CADM1: variants seen among roughly 807,000 people sequenced by gnomAD.
The protein encoded by CADM1 is cell adhesion molecule 1.
Under a neutral mutation model 53.1 loss-of-function variants are expected in CADM1, and 15 were observed. The ratio of observed to expected loss-of-function variants is 0.28; its 90% CI spans 0.19 to 0.44. The LOEUF is 0.44. CADM1 is among the 20% of genes least tolerant of loss of function. The pLI is 1.00. For synonymous variants in CADM1, 281 were observed against 243.0 expected, an observed-to-expected ratio of 1.16 and a Z score of -1.45; for missense variants, 434 against 611.3, an observed-to-expected ratio of 0.71 and a Z score of 3.06.
chr11:115,357,709 G>T (rs1945913847), intron 1 of CADM1, among the ~76,000 whole-genome samples: 1 of 152,156 alleles, frequency 6.6e-6, no homozygotes, highest in Non-Finnish European at 1.5e-5. Flanking sequence ...CATATGGCAA[G>T]TGCTCAGTCA....
At chr11:115,261,628 T>C (rs959565719) in intron 1 of CADM1, among the ~76,000 whole-genome samples, 3 of 152,226 alleles carry the variant, frequency 2.0e-5, no homozygotes, top group African/African-American at 2.4e-5. Context: ...GAGAAGTCAT[T>C]TCACTGTCTC....
intron 1 of CADM1, among the ~76,000 whole-genome samples, chr11:115,352,878 A>G (rs572406901): frequency 6.6e-6 from 1 of 152,310 alleles, no homozygotes; most frequent in Admixed American, 6.5e-5. Flanking sequence ...ACAGCTCCAT[A>G]GTATTCCACG....
chr11:115,369,803 G>A (rs1378694657), intron 1 of CADM1, among the ~76,000 whole-genome samples: 1 of 152,134 alleles, frequency 6.6e-6, no homozygotes, highest in Non-Finnish European at 1.5e-5. Context: ...GTCTGATCAG[G>A]CTTCTGACTC....
intron 1 of CADM1, among the ~76,000 whole-genome samples, chr11:115,279,925 G>A (rs1470978088): frequency 6.6e-6 from 1 of 152,188 alleles, no homozygotes; most frequent in East Asian, 1.9e-4. Context: ...CGGCAAGCCA[G>A]TACCCTAGGA....
At chr11:115,435,455 G>A (rs1403315914) in intron 1 of CADM1, among the ~76,000 whole-genome samples, 5 of 152,080 alleles carry the variant, frequency 3.3e-5, no homozygotes, top group Admixed American at 6.6e-5. Flanking sequence ...TATTGGGGCT[G>A]GGCGTGGTGG....
At chr11:115,222,455 C>A (rs1941441540) in intron 5 of CADM1, among the ~76,000 whole-genome samples, 1 of 152,150 alleles carries the variant, frequency 6.6e-6, no homozygotes, top group African/African-American at 2.4e-5. Flanking sequence ...CGGAGTCACA[C>A]AGAGCTCTCA....
rs1187433780 is a variant in CADM1, at chr11:115,172,573, C to G, written c.*3901G>C. Reference sequence around the variant, plus strand: ...TTCTCATAGCACTCTCTGGGCTTCTCTGTGTTCAGTGGGGCACCCATGGCT... The same window carrying G: ...TTCTCATAGCACTCTCTGGGCTTCTGTGTGTTCAGTGGGGCACCCATGGCT... On this transcript the variant is annotated 3_prime_UTR_variant, in exon 12 of 12. Coordinates refer to ENST00000331581, the MANE Select transcript of CADM1 (RefSeq NM_001301043.2). The G allele has an allele frequency of 6.6e-6, 1 of 152,346 alleles. No individual in the cohort carries two copies. Among genetic ancestry groups the G allele is most frequent in the Non-Finnish European group, 1.5e-5 (1 of 68,154 alleles). 9.4% of individuals were successfully genotyped at this position (152,346 alleles called of 1,614,324 possible).
At chr11:115,433,973 C>A (rs999034521) in intron 1 of CADM1, among the ~76,000 whole-genome samples, 9 of 152,116 alleles carry the variant, frequency 5.9e-5, no homozygotes, top group Non-Finnish European at 1.3e-4. Flanking sequence ...TATTAACCTG[C>A]CAGCACTTCA....
intron 5 of CADM1, chr11:115,218,264 G>C: frequency 2.3e-6 from 1 of 428,866 alleles, no homozygotes; most frequent in South Asian, 2.1e-5. Flanking sequence ...TTACACTGAA[G>C]TTTATCTCCA....
chr11:115,462,610 A>C (rs1948820365), intron 1 of CADM1, among the ~76,000 whole-genome samples: 1 of 152,226 alleles, frequency 6.6e-6, no homozygotes, highest in African/African-American at 2.4e-5. Context: ...CAAATAATTT[A>C]TTTTTGATGT....
chr11:115,218,294 A>G (rs1941270867), intron 5 of CADM1: 1 of 405,230 alleles, frequency 2.5e-6, no homozygotes, highest in Admixed American at 3.6e-5. Flanking sequence ...AAGCTAAAGG[A>G]AACTCATTTG....
At chr11:115,228,808 T>C (rs1941709990) in intron 5 of CADM1, among the ~76,000 whole-genome samples, 1 of 152,168 alleles carries the variant, frequency 6.6e-6, no homozygotes, top group South Asian at 2.1e-4. Flanking sequence ...AAAATTACCC[T>C]AGATTTTGCA....
intron 1 of CADM1, among the ~76,000 whole-genome samples, chr11:115,293,652 T>C (rs1476466226): frequency 2.0e-5 from 3 of 152,188 alleles, no homozygotes; most frequent in Non-Finnish European, 4.4e-5. Context: ...GGAGCCAGTA[T>C]TATTGAATGA....
chr11:115,369,274 T>TGAA, intron 1 of CADM1, among the ~76,000 whole-genome samples: 1 of 152,084 alleles, frequency 6.6e-6, no homozygotes, highest in African/African-American at 2.4e-5. Context: ...CTTCATATAT[T>TGAA]TCTTATGGCA....
At chr11:115,246,321 C>T (rs191321431) in intron 1 of CADM1, among the ~76,000 whole-genome samples, 16 of 152,274 alleles carry the variant, frequency 1.1e-4, no homozygotes, top group Admixed American at 8.5e-4. Context: ...ATTGTCTGCT[C>T]CAAAGACTGT....
chr11:115,221,135 C>T (rs1384929640), intron 5 of CADM1, among the ~76,000 whole-genome samples: 5 of 152,120 alleles, frequency 3.3e-5, no homozygotes, highest in Non-Finnish European at 7.4e-5. Context: ...TACCCAAGTG[C>T]AATAACTGCC....
intron 8 of CADM1, among the ~76,000 whole-genome samples, chr11:115,203,067 A>G (rs1367548842): frequency 6.6e-6 from 1 of 152,182 alleles, no homozygotes; most frequent in Non-Finnish European, 1.5e-5. Flanking sequence ...GAGACAGGAT[A>G]AAGCTCTCTT....
intron 1 of CADM1, among the ~76,000 whole-genome samples, chr11:115,484,195 C>G (rs1253808349): frequency 6.6e-6 from 1 of 152,224 alleles, no homozygotes; most frequent in Non-Finnish European, 1.5e-5. Context: ...TCATTCATGA[C>G]CCCCTACTAA....
intron 1 of CADM1, among the ~76,000 whole-genome samples, chr11:115,428,891 A>T (rs1176339234): frequency 6.6e-6 from 1 of 152,180 alleles, no homozygotes. Context: ...TACTGCCTCA[A>T]AGGATTTCAC....
Sources: gnomAD v4.1 joint callset for allele counts (sites outside exome capture counted in the v4.1 genomes callset) on GRCh38, gnomAD v4.1.1 for gene constraint, MANE v1.5 for transcripts, NCBI Gene and HGNC (gene_info 2026-07-23, HGNC 2026-07-21) for gene names.